ST18: variants seen among roughly 807,000 people sequenced by gnomAD.
The protein encoded by ST18 is suppression of tumorigenicity 18 protein.
ST18 carries 50 observed loss-of-function variants against 110.0 expected under a neutral mutation model. The ratio of observed to expected loss-of-function variants is 0.45; its 90% confidence interval spans 0.36 to 0.58. The LOEUF (loss-of-function observed/expected upper bound fraction) is 0.58. ST18 is among the 20% of genes least tolerant of loss of function. The probability of loss-of-function intolerance (pLI) is 0.00; values close to 1 mark genes in which losing one functional copy is unlikely to be tolerated. For missense variants in ST18, 1,306 were observed against 1,280.1 expected, an observed-to-expected ratio of 1.02 and a Z score of -0.31; for synonymous variants, 461 against 452.4, an observed-to-expected ratio of 1.02 and a Z score of -0.24.
At chr8:52,329,402 A>G (rs1808094677) in intron 2 of ST18, among the ~76,000 whole-genome samples, 1 of 152,120 alleles carries the variant, frequency 6.6e-6, no homozygotes, top group African/African-American at 2.4e-5. Flanking sequence ...GAGCATGTTC[A>G]TGACAGCTCA....
chr8:52,278,707 G>A (rs952511472), intron 2 of ST18, among the ~76,000 whole-genome samples: 4 of 152,082 alleles, frequency 2.6e-5, no homozygotes, highest in African/African-American at 4.8e-5. Flanking sequence ...GTCATGCCTC[G>A]GATCTGGCTC....
At chr8:52,219,809 A>G (rs16917511) in intron 5 of ST18, among the ~76,000 whole-genome samples, 17,613 of 152,200 alleles carry the variant, frequency 0.12, 1,472 homozygotes, top group African/African-American at 0.22. Context: ...GACCTGAAAC[A>G]AGCTTGGGTA....
chr8:52,212,148 T>A (rs373548273), intron 7 of ST18, 39 bp from the exon 8 acceptor site: 13 of 1,579,768 alleles, frequency 8.2e-6, no homozygotes, highest in African/African-American at 1.4e-5. Flanking sequence ...ACTTAATCAG[T>A]TGATAATTTT....
chr8:52,156,015 G>A (rs1212178007), intron 15 of ST18, among the ~76,000 whole-genome samples: 6 of 152,152 alleles, frequency 3.9e-5, no homozygotes, highest in African/African-American at 1.4e-4. Context: ...TGCAAGCAGA[G>A]GAGAATTGAG....
chr8:52,303,271 T>C (rs1564451558), intron 2 of ST18, among the ~76,000 whole-genome samples: 1 of 152,252 alleles, frequency 6.6e-6, no homozygotes, highest in Admixed American at 6.5e-5. Context: ...TGGGCAGTCC[T>C]TGGGGTCCCC....
At chr8:52,229,788 T>A (rs2090757232) in intron 3 of ST18, 2 of 152,204 alleles carry the variant, frequency 1.3e-5, no homozygotes, top group African/African-American at 4.8e-5. Context: ...GTCTTACATA[T>A]TAATGCCCCT....
chr8:52,127,975 A>ATT (rs11393476), intron 22 of ST18, among the ~76,000 whole-genome samples: 71 of 147,858 alleles, frequency 4.8e-4, no homozygotes, highest in African/African-American at 1.4e-3. Context: ...ATATTAAGGG[A>ATT]TTTTTTTTTT....
intron 2 of ST18, among the ~76,000 whole-genome samples, chr8:52,276,793 T>C (rs545274433): frequency 1.1e-4 from 16 of 147,966 alleles, no homozygotes; most frequent in Non-Finnish European, 1.9e-4. Context: ...TGAGACAGAG[T>C]TTTGCTCTTA....
At chr8:52,258,390 A>G (rs2094587168) in intron 2 of ST18, among the ~76,000 whole-genome samples, 2 of 152,216 alleles carry the variant, frequency 1.3e-5, no homozygotes, top group African/African-American at 4.8e-5. Flanking sequence ...TTGCAAGATT[A>G]CAACTTCTAA....
chr8:52,354,283 A>G (rs552491204), intron 2 of ST18, among the ~76,000 whole-genome samples: 2 of 152,326 alleles, frequency 1.3e-5, no homozygotes, highest in South Asian at 4.1e-4. Flanking sequence ...CTGGAAATTC[A>G]GTCTAGAGGC....
chr8:52,243,071 G>T (rs189006255), intron 2 of ST18, among the ~76,000 whole-genome samples: 1 of 152,118 alleles, frequency 6.6e-6, no homozygotes, highest in African/African-American at 2.4e-5. Context: ...TTGAACCTTC[G>T]ATCTAATATG....
intron 8 of ST18, among the ~76,000 whole-genome samples, chr8:52,209,236 TATTA>T (rs2081251928): frequency 6.6e-6 from 1 of 152,166 alleles, no homozygotes; most frequent in Non-Finnish European, 1.5e-5. Context: ...CTCTAAACAG[TATTA>T]ATTGTGTGTG....
intron 2 of ST18, among the ~76,000 whole-genome samples, chr8:52,344,751 A>ATAGAT (rs1816921907): frequency 6.6e-6 from 1 of 152,210 alleles, no homozygotes; most frequent in Admixed American, 6.5e-5. Context: ...ACATATCAAA[A>ATAGAT]TAGATACATC....
rs1035810330 is a variant in ST18, at chr8:52,208,759, A to G, written c.86+3320T>C. On this transcript the variant is annotated intron_variant, in intron 8 of 25. Coordinates refer to ENST00000689386, the MANE Select transcript of ST18 (RefSeq NM_001352837.2). ...CGTGAGCCCGGGAGGCGGAGCTTGCAGTGAGCCCAGATCGCGCCACTGCAC... is the reference window on the plus strand; with the variant it reads ...CGTGAGCCCGGGAGGCGGAGCTTGCGGTGAGCCCAGATCGCGCCACTGCAC... Among the ~76,000 whole-genome samples the G allele has an allele frequency of 7.2e-5, 11 of 152,364 alleles. No homozygotes were observed. In the East Asian group the frequency reaches 2.1e-3, roughly 29 times the overall value.
chr8:52,180,285 C>T lies in ST18; in HGVS notation c.114G>A (p.Lys38=). ...AAGCCTGATCTTCAGCTGTTCTCTT[C>T]TTTGCCATGGAGCAATCATAGGCAA... ...LSVAYDCSMA[K]KRTAEDQALG... Residue 38 remains lysine (K), a synonymous_variant, in exon 9 of 26, where the codon AAG becomes AAA. Transcript: ENST00000689386. 6.2e-7 allele frequency: 1 copy of T among 1,614,162 alleles called. No homozygotes were observed. Among genetic ancestry groups the T allele is most frequent in the East Asian group, 2.2e-5 (1 of 44,876 alleles).
chr8:52,223,159 C>T (rs2087638199), intron 3 of ST18, among the ~76,000 whole-genome samples: 1 of 152,146 alleles, frequency 6.6e-6, no homozygotes, highest in South Asian at 2.1e-4. Flanking sequence ...TTTATGGCTG[C>T]TTCATGGATG....
At chr8:52,361,263 T>A (rs1825629957) in intron 2 of ST18, among the ~76,000 whole-genome samples, 1 of 152,190 alleles carries the variant, frequency 6.6e-6, no homozygotes, top group Non-Finnish European at 1.5e-5. Context: ...AAGCAAGAAG[T>A]GGACCAGGGA....
chr8:52,327,208 T>C (rs941261761), intron 2 of ST18, among the ~76,000 whole-genome samples: 4 of 152,248 alleles, frequency 2.6e-5, no homozygotes, highest in African/African-American at 9.6e-5. Context: ...GTTTTCCAGA[T>C]ATAGTCATCT....
intron 23 of ST18, among the ~76,000 whole-genome samples, chr8:52,119,957 C>T (rs2044044360): frequency 6.6e-6 from 1 of 152,110 alleles, no homozygotes; most frequent in Non-Finnish European, 1.5e-5. Flanking sequence ...ACTTAGGTAC[C>T]TTAGTAGTTA....
Sources: gnomAD v4.1 joint callset for allele counts (sites outside exome capture counted in the v4.1 genomes callset) on GRCh38, gnomAD v4.1.1 for gene constraint, MANE v1.5 for transcripts, NCBI Gene and HGNC (gene_info 2026-07-23, HGNC 2026-07-21) for gene names.